The following FAM53B variants were observed in gnomAD, a reference collection of about 807,000 sequenced individuals.
The protein encoded by FAM53B is protein FAM53B.
FAM53B carries 12 observed loss-of-function variants against 32.7 expected under a neutral mutation model. The observed-to-expected ratio is 0.37, with a 90% CI of 0.24 to 0.59. The LOEUF is 0.59. Ranked by LOEUF, FAM53B falls within the 20% of genes least tolerant of loss-of-function variation. FAM53B has a pLI of 0.72. For missense variants in FAM53B, 477 were observed against 577.7 expected, an observed-to-expected ratio of 0.83 and a Z score of 1.79; for synonymous variants, 234 against 228.7, an observed-to-expected ratio of 1.02 and a Z score of -0.21.
intron 4 of FAM53B, among the ~76,000 whole-genome samples, chr10:124,633,686 G>A (rs1207618420): frequency 1.3e-5 from 2 of 152,122 alleles, no homozygotes; most frequent in Admixed American, 6.5e-5. Flanking sequence ...TCAAAGCAGA[G>A]GAGAAAAGAT....
rs535287083 is a variant in FAM53B, at chr10:124,733,664, C to T, written c.-175+10349G>A. The stretch of plus-strand genomic sequence containing the variant: ...GAATCCCAAGGGCGCCTGCTAAATG[C>T]GAGAGTTTTGTCTAAAAATAAACAA... On this transcript the variant is annotated intron_variant, in intron 1 of 4. Transcript: ENST00000337318. This position sits in a 1 kb window ranked among gnomAD's most constrained non-coding sequence, Gnocchi z 4.3. Among the ~76,000 whole-genome samples, 3 of 152,340 alleles carry T rather than the reference C, an allele frequency of 2.0e-5. No homozygotes were observed. The highest frequency in any genetic ancestry group is 1.3e-4 in the Admixed American group (2 of 15,304).
At chr10:124,708,904 G>A (rs1949979764) in intron 1 of FAM53B, among the ~76,000 whole-genome samples, 1 of 152,242 alleles carries the variant, frequency 6.6e-6, no homozygotes, top group East Asian at 1.9e-4. Flanking sequence ...CCCAGCTCTT[G>A]AAATACATTG....
At chr10:124,673,871 C>A (rs1223551873) in intron 4 of FAM53B, among the ~76,000 whole-genome samples, 1 of 152,198 alleles carries the variant, frequency 6.6e-6, no homozygotes, top group Non-Finnish European at 1.5e-5. Context: ...GTTGGCTTCC[C>A]AGATAACCTG....
chr10:124,625,054 G>A (rs554551326), intron 4 of FAM53B, among the ~76,000 whole-genome samples: 3 of 152,332 alleles, frequency 2.0e-5, no homozygotes, highest in Admixed American at 6.5e-5. Flanking sequence ...GCCTGCTGAC[G>A]CCAAGACCAC....
chr10:124,691,800 A>G (rs1949834214), intron 3 of FAM53B, among the ~76,000 whole-genome samples: 1 of 152,202 alleles, frequency 6.6e-6, no homozygotes, highest in South Asian at 2.1e-4. Context: ...TGCAAGTGGG[A>G]GAAGATGTGG....
intron 1 of FAM53B, among the ~76,000 whole-genome samples, chr10:124,739,416 T>C (rs564226316): frequency 6.6e-6 from 1 of 152,358 alleles, no homozygotes; most frequent in East Asian, 1.9e-4. Flanking sequence ...CCATTATTCT[T>C]TGAACAATCT....
chr10:124,686,484 C>T (rs1170366766), intron 3 of FAM53B, among the ~76,000 whole-genome samples: 3 of 152,346 alleles, frequency 2.0e-5, no homozygotes, highest in African/African-American at 4.8e-5. Context: ...AGGCCTGGAC[C>T]GTTCTTTTCC....
At chr10:124,676,858 G>A (rs1347814802) in intron 4 of FAM53B, among the ~76,000 whole-genome samples, 1 of 152,148 alleles carries the variant, frequency 6.6e-6, no homozygotes, top group East Asian at 1.9e-4. Flanking sequence ...CCCCTGGCCA[G>A]CTTTCACGGT....
intron 3 of FAM53B, among the ~76,000 whole-genome samples, chr10:124,692,512 C>T (rs996059370): frequency 6.6e-6 from 1 of 151,716 alleles, no homozygotes; most frequent in African/African-American, 2.4e-5. Context: ...GTCAAGAGTT[C>T]GAGACCAGCC....
At chr10:124,640,908 C>A (rs576171854) in intron 4 of FAM53B, among the ~76,000 whole-genome samples, 3 of 152,374 alleles carry the variant, frequency 2.0e-5, no homozygotes, top group African/African-American at 7.2e-5. Context: ...CCGCAGAGGG[C>A]ACGCCCCGCT....
chr10:124,635,726 C>T lies in FAM53B; in HGVS notation c.907-12122G>A, dbSNP rs376443862. Among the ~76,000 whole-genome samples, 23 of 152,290 alleles carry T rather than the reference C, an allele frequency of 1.5e-4. No individual in the cohort carries two copies. The East Asian group carries it at 2.7e-3, about 18-fold the overall frequency. On this transcript the variant is annotated intron_variant, in intron 4 of 4. Coordinates refer to ENST00000337318, the MANE Select transcript of FAM53B (RefSeq NM_014661.4). ...CCCTGCAGAAGACGGATCTCCCATGCCCAAAGGGACTCATGCACGTGAAAT... is the reference window on the plus strand; with the variant it reads ...CCCTGCAGAAGACGGATCTCCCATGTCCAAAGGGACTCATGCACGTGAAAT...
At chr10:124,638,090 C>T (rs913963548) in intron 4 of FAM53B, among the ~76,000 whole-genome samples, 1 of 152,180 alleles carries the variant, frequency 6.6e-6, no homozygotes, top group Non-Finnish European at 1.5e-5. Context: ...TAGGACCGGG[C>T]CTGGCGCCAT....
chr10:124,723,385 A>G (rs1950081822), intron 1 of FAM53B, among the ~76,000 whole-genome samples: 1 of 152,206 alleles, frequency 6.6e-6, no homozygotes, highest in African/African-American at 2.4e-5. Context: ...ACTAATTCAA[A>G]GCACAGCACC....
chr10:124,678,019 A>T (rs1374874936), intron 4 of FAM53B, among the ~76,000 whole-genome samples: 1 of 152,244 alleles, frequency 6.6e-6, no homozygotes, highest in African/African-American at 2.4e-5. Flanking sequence ...ACAAAAGAAA[A>T]GCAAAGAGGC....
Position 124,666,077 on chromosome 10 carries a change from C to T in FAM53B, c.906+15530G>A, listed in dbSNP as rs972033756. 9.2e-5 allele frequency among the ~76,000 whole-genome samples: 14 copies of T among 152,208 alleles called. No individual in the cohort carries two copies. The East Asian group carries it at 2.7e-3, about 29-fold the overall frequency. On this transcript the variant is annotated intron_variant, in intron 4 of 4. Transcript: ENST00000337318. ...ATGCATGCTGATTTGAACCAGCTTCCCAGGTTATTGGCTGCCTAGACTCTG... is the reference window on the plus strand; with the variant it reads ...ATGCATGCTGATTTGAACCAGCTTCTCAGGTTATTGGCTGCCTAGACTCTG...
chr10:124,732,898 C>T (rs1950153313), intron 1 of FAM53B, among the ~76,000 whole-genome samples: 1 of 152,054 alleles, frequency 6.6e-6, no homozygotes, highest in Non-Finnish European at 1.5e-5. Context: ...CTATCACGTA[C>T]TCTCCTGAGC....
intron 1 of FAM53B, among the ~76,000 whole-genome samples, chr10:124,720,523 A>G (rs183848602): frequency 6.6e-6 from 1 of 152,350 alleles, no homozygotes; most frequent in Admixed American, 6.5e-5. Context: ...ATCCGACTGA[A>G]TAACTGGATG....
chr10:124,685,196 C>G (rs1449771149), intron 3 of FAM53B, among the ~76,000 whole-genome samples: 1 of 152,142 alleles, frequency 6.6e-6, no homozygotes, highest in Non-Finnish European at 1.5e-5. Flanking sequence ...AGAAATAAAC[C>G]GAAATGTTAA....
Position 124,662,276 on chromosome 10 carries a change from A to G in FAM53B, c.906+19331T>C, listed in dbSNP as rs1949636309. Among the ~76,000 whole-genome samples the G allele has an allele frequency of 1.3e-5, 2 of 152,348 alleles. 1 individual carries two copies. The highest frequency in any genetic ancestry group is 4.1e-4 in the South Asian group (2 of 4,830). On this transcript the variant is annotated intron_variant, in intron 4 of 4. Transcript: ENST00000337318. ...TAATAAAGATAATCCACAGCTACAC[A>G]AACGCTTAGCACAGTGCCTGCCACA...
Sources: gnomAD v4.1 joint callset for allele counts (sites outside exome capture counted in the v4.1 genomes callset) on GRCh38, gnomAD v4.1.1 for gene constraint, Gnocchi (gnomAD v3.1) non-coding constraint, MANE v1.5 for transcripts, NCBI Gene and HGNC (gene_info 2026-07-23, HGNC 2026-07-21) for gene names.